CC2D2A: variants seen among roughly 807,000 people sequenced by gnomAD.
CC2D2A encodes coiled-coil and C2 domain-containing protein 2A.
A neutral mutation model predicts 212.9 loss-of-function variants in CC2D2A; 155 were observed. The observed-to-expected ratio is 0.73, with a 90% CI of 0.64 to 0.83. CC2D2A has a LOEUF of 0.83. Among genes scored for constraint, CC2D2A ranks in the 40% least tolerant of loss-of-function variants. The pLI, the probability that CC2D2A is intolerant of heterozygous loss-of-function variation, is 0.00. For synonymous variants in CC2D2A, 667 were observed against 686.5 expected, an observed-to-expected ratio of 0.97 and a Z score of 0.44; for missense variants, 1,856 against 1,956.2, an observed-to-expected ratio of 0.95 and a Z score of 0.97.
chr4:15,470,203 T>C (rs1713628039), intron 1 of CC2D2A, 146 bp downstream of exon 1: 1 of 152,190 alleles, frequency 6.6e-6, no homozygotes. Flanking sequence ...ATTTATGTTT[T>C]TACTTTCTGA....
chr4:15,475,327 C>A (rs28473727), intron 1 of CC2D2A, among the ~76,000 whole-genome samples: 11,962 of 152,058 alleles, frequency 0.079, 1,561 homozygotes, highest in African/African-American at 0.27. Flanking sequence ...GAAAAAATTA[C>A]AGCATTTTTT....
At chr4:15,484,466 C>T (rs1225043957) in intron 4 of CC2D2A, among the ~76,000 whole-genome samples, 1 of 152,094 alleles carries the variant, frequency 6.6e-6, no homozygotes, top group African/African-American at 2.4e-5. Context: ...CTGACGGCTG[C>T]TGTGCTGAGT....
intron 29 of CC2D2A, among the ~76,000 whole-genome samples, 167 bp from the exon 30 acceptor site, chr4:15,579,801 C>T (rs1335447374): frequency 6.6e-6 from 1 of 152,140 alleles, no homozygotes; most frequent in Non-Finnish European, 1.5e-5. Flanking sequence ...TTTCAAACTA[C>T]AAATTTAATT....
chr4:15,502,619 A>G (rs1328195990), intron 5 of CC2D2A, 102 bp downstream of exon 5: 13 of 1,116,886 alleles, frequency 1.2e-5, no homozygotes, highest in Admixed American at 1.0e-4. Flanking sequence ...TTTGAATACC[A>G]TTCAATTTGT....
chr4:15,509,960 G>A (rs1443402834), intron 6 of CC2D2A, among the ~76,000 whole-genome samples, 179 bp from the exon 7 acceptor site: 2 of 152,350 alleles, frequency 1.3e-5, no homozygotes, highest in African/African-American at 4.8e-5. Flanking sequence ...TCTACAGGCT[G>A]TCGCTATGGA....
At chr4:15,578,414 T>A (rs1054460563) in intron 29 of CC2D2A, among the ~76,000 whole-genome samples, 1 of 152,200 alleles carries the variant, frequency 6.6e-6, no homozygotes, top group East Asian at 1.9e-4. Flanking sequence ...TAGATTCTAT[T>A]TGAGGTCATA....
Position 15,511,229 on chromosome 4 carries a change from C to T in CC2D2A, c.541-18C>T, listed in dbSNP as rs1577336578. On this transcript the variant is annotated intron_variant, in intron 7 of 36. Transcript: ENST00000424120. ...GCTTATAAATGGGAAATTGCGATTG[C>T]TCCTTGCTTTTCGTTAGGTTCCACC... The T allele has an allele frequency of 1.3e-6, 2 of 1,584,478 alleles. No homozygotes were observed. The highest frequency in any genetic ancestry group is 1.4e-5 in the African/African-American group (1 of 73,970).
At position 15,537,043 on chromosome 4, in the gene CC2D2A, G is replaced by A. The variant is rs376746356; in HGVS notation, c.1731G>A (p.Ser577=). 477 of 1,613,584 alleles carry A rather than the reference G, an allele frequency of 3.0e-4. No individual in the cohort carries two copies. The highest frequency in any genetic ancestry group is 3.7e-4 in the Non-Finnish European group (439 of 1,179,620). The change falls in exon 15 of 37, where the codon TCG becomes TCA. Residue 577 remains serine, a synonymous_variant. Transcript: ENST00000424120. ...AGAAGATGGAAGAATACAGAACGTCGTTACAACAGTGGAAGGCCTGGAGGA... is the reference window on the plus strand; with the variant it reads ...AGAAGATGGAAGAATACAGAACGTCATTACAACAGTGGAAGGCCTGGAGGA... The part of the protein sequence containing the change: ...YAQKMEEYRT[S]LQQWKAWRKV...
Position 15,599,552 on chromosome 4 carries a change from A to C in CC2D2A, c.4520A>C (p.Lys1507Thr). Residue 1507 changes from lysine to threonine, a missense_variant, in exon 36 of 37, where the codon AAA becomes ACA. By Grantham distance (78) the Lys-to-Thr change is moderately conservative. This residue lies in a region of CC2D2A where 285 missense variants were observed against 278.4 expected (regional missense o/e 1.02). Transcript: ENST00000424120. ...AGGATTGAAAAAATACTAAAAGAAA[A>C]AATCATGGACTGGAGGCCACGCCAT... The part of the protein sequence containing the change: ...QDRIEKILKE[K>T]IMDWRPRHLT... The C allele has an allele frequency of 6.4e-7, 1 of 1,569,718 alleles. No individual in the cohort carries two copies. Among genetic ancestry groups the C allele is most frequent in the Non-Finnish European group, 8.7e-7 (1 of 1,154,168 alleles).
chr4:15,530,022 A>AGT, intron 13 of CC2D2A, among the ~76,000 whole-genome samples: 1 of 150,516 alleles, frequency 6.6e-6, no homozygotes, highest in East Asian at 1.9e-4. Flanking sequence ...CCCAGGCTGG[A>AGT]GTGCAGTGGT....
rs1719955637 is a variant in CC2D2A, at chr4:15,567,747, C to A, written c.3359C>A (p.Pro1120Gln). The change falls in exon 26 of 37, where the codon CCA (proline) becomes CAA (glutamine). Residue 1120 changes from proline (P) to glutamine (Q), a missense_variant. Physicochemically the swap from Pro to Gln is moderately conservative, Grantham distance 76 (BLOSUM62 -1). This residue lies in a region of CC2D2A where 1,512 missense variants were observed against 1,579.3 expected (regional missense o/e 0.96). Coordinates refer to ENST00000424120, the MANE Select transcript of CC2D2A (RefSeq NM_001378615.1). ...TGCCATACGACTACGGCTGAAGGACCAAACCCTAGCTGGAATGAAGAACTA... is the reference window on the plus strand; with the variant it reads ...TGCCATACGACTACGGCTGAAGGACAAAACCCTAGCTGGAATGAAGAACTA... ...TVCHTTTAEG[P>Q]NPSWNEELEL... 1 of 1,603,120 alleles carries A rather than the reference C, an allele frequency of 6.2e-7. No homozygotes were observed. The highest frequency in any genetic ancestry group is 1.3e-5 in the African/African-American group (1 of 74,126).
In CC2D2A at chr4:15,502,848, G is replaced by A. The variant is rs1212015185; in HGVS notation, c.363G>A (p.Gln121=). ...CCAAAGCAGAAAGTGCATTGCTGCA[G>A]GAAATCCCCACTCCTCGGCCCAGAC... ...ARSKAESALL[Q]EIPTPRPRRL... is the part of the protein sequence containing the mutation. Residue 121 remains glutamine (Q), a synonymous_variant, in exon 6 of 37, where the codon CAG becomes CAA. Coordinates refer to ENST00000424120, the MANE Select transcript of CC2D2A (RefSeq NM_001378615.1). 4 of 1,611,232 alleles carry A rather than the reference G, an allele frequency of 2.5e-6. No homozygotes were observed. The East Asian group carries it at 8.9e-5, about 36-fold the overall frequency.
At chr4:15,493,325 G>A (rs1715427880) in intron 4 of CC2D2A, among the ~76,000 whole-genome samples, 2 of 152,092 alleles carry the variant, frequency 1.3e-5, no homozygotes, top group Admixed American at 1.3e-4. Flanking sequence ...CTGGAGTGCA[G>A]TGGTGCAATC....
intron 24 of CC2D2A, among the ~76,000 whole-genome samples, chr4:15,566,839 G>T (rs1466447494): frequency 6.6e-6 from 1 of 152,140 alleles, no homozygotes; most frequent in African/African-American, 2.4e-5. Context: ...GCTGGGCATG[G>T]TGGAGTGTGT....
At chr4:15,553,069 T>C (rs1719088170) in intron 18 of CC2D2A, 89 bp from the exon 19 acceptor site, 1 of 1,219,106 alleles carries the variant, frequency 8.2e-7, no homozygotes, top group Admixed American at 3.1e-5. Flanking sequence ...CCACTCCAAG[T>C]TCCATTTGTC....
Position 15,553,214 on chromosome 4 carries a change from G to A in CC2D2A, c.2395G>A (p.Gly799Arg), listed in dbSNP as rs1448886967. ...GSNQLTLMTS[G>R]KVSHSVAWAI... ...TAACCAGCTGACTCTGATGACCTCA[G>A]GGAAAGTGTCTCATAGTGTGGCATG... The change falls in exon 19 of 37, where the codon GGG becomes AGG. Residue 799 changes from glycine to arginine, a missense_variant. By Grantham distance (125) the Gly-to-Arg change is moderately radical. This residue lies in a region of CC2D2A where 1,512 missense variants were observed against 1,579.3 expected (regional missense o/e 0.96). Coordinates refer to ENST00000424120, the MANE Select transcript of CC2D2A (RefSeq NM_001378615.1). 1 of 1,611,962 alleles carries A rather than the reference G, an allele frequency of 6.2e-7. No homozygotes were observed. The highest frequency in any genetic ancestry group is 8.5e-7 in the Non-Finnish European group (1 of 1,179,236).
chr4:15,480,970 T>G, intron 4 of CC2D2A, 143 bp downstream of exon 4: 1 of 921,408 alleles, frequency 1.1e-6, no homozygotes. Flanking sequence ...ACTTGGTGAG[T>G]GACTCTAGGT....
intron 29 of CC2D2A, 118 bp downstream of exon 29, chr4:15,574,444 CCATT>C: frequency 2.8e-6 from 2 of 709,048 alleles, no homozygotes; most frequent in Middle Eastern, 3.8e-4. Context: ...ACTTCAATCT[CCATT>C]TATTATTCTT....
rs1721006057 is a variant in CC2D2A, at chr4:15,589,688, T to G, written c.4314+9T>G. The stretch of plus-strand genomic sequence containing the variant: ...TAATAGGTCCTGACAATGTAAGTAT[T>G]AACATTTCTTCTTAAATATGGTTAG... On this transcript the variant is annotated intron_variant, in intron 33 of 36. Transcript: ENST00000424120. 6.8e-7 allele frequency: 1 copy of G among 1,471,270 alleles called. No individual in the cohort carries two copies. The highest frequency in any genetic ancestry group is 1.4e-5 in the African/African-American group (1 of 71,310). The allele number at this position is 1,471,270 out of a possible 1,614,324, so 91.1% of individuals were successfully genotyped here.
Sources: gnomAD v4.1 joint callset for allele counts (sites outside exome capture counted in the v4.1 genomes callset) on GRCh38, gnomAD v4.1.1 for gene constraint, gnomAD v4.1.1 regional missense constraint, MANE v1.5 for transcripts, NCBI Gene and HGNC (gene_info 2026-07-23, HGNC 2026-07-21) for gene names.